EPM2A: variants seen among roughly 807,000 people sequenced by gnomAD.
The protein encoded by EPM2A is EPM2A glucan phosphatase, laforin.
Under a neutral mutation model 26.5 loss-of-function variants are expected in EPM2A, and 21 were observed. The ratio of observed to expected loss-of-function variants is 0.79; its 90% CI spans 0.56 to 1.14. The LOEUF (loss-of-function observed/expected upper bound fraction) is 1.14, where lower values mean the gene tolerates loss of function less well. Ranked by LOEUF, EPM2A falls within the 50% of genes most tolerant of loss-of-function variation. The probability of loss-of-function intolerance (pLI) is 0.00; values close to 1 mark genes in which losing one functional copy is unlikely to be tolerated. For missense variants in EPM2A, 458 were observed against 440.8 expected (o/e 1.04, Z -0.35); for synonymous variants, 217 against 177.6 (o/e 1.22, Z -1.76).
At chr6:145,629,914 A>T (rs116955090) in intron 3 of EPM2A, 2,320 of 152,326 alleles carry the variant, frequency 0.015, 25 homozygotes, top group Middle Eastern at 0.027. Flanking sequence ...GGTGCATACA[A>T]CATCAGTGTA....
chr6:145,444,709 TTGTTTCTTATGCATTAGCACGC>T (rs1779109081), intron 4 of EPM2A, among the ~76,000 whole-genome samples: 1 of 152,210 alleles, frequency 6.6e-6, no homozygotes, highest in Non-Finnish European at 1.5e-5. Flanking sequence ...TTTATTGCTT[TTGTTTCTTATGCATTAGCACGC>T]TATCTTATTT....
chr6:145,599,618 GT>G (rs1435933510), intron 2 of EPM2A, among the ~76,000 whole-genome samples: 1 of 151,654 alleles, frequency 6.6e-6, no homozygotes, highest in African/African-American at 2.4e-5. Flanking sequence ...GCTTCTGTAT[GT>G]TTTGGTCTTT....
chr6:145,421,742 A>G (rs990198407), intron 4 of EPM2A, among the ~76,000 whole-genome samples: 1 of 151,958 alleles, frequency 6.6e-6, no homozygotes, highest in Admixed American at 6.6e-5. Flanking sequence ...GATTTAAAAT[A>G]AAACATATGT....
intron 1 of EPM2A, among the ~76,000 whole-genome samples, chr6:145,689,715 G>C (rs939993844): frequency 2.0e-5 from 3 of 152,216 alleles, no homozygotes; most frequent in African/African-American, 7.2e-5. Context: ...ACCCACTCAG[G>C]CCAGCAAAGG....
rs796052425 is a variant in EPM2A at position 145,735,306 on chromosome 6, C to T, written c.193G>A (p.Glu65Lys). 3.4e-6 allele frequency: 5 copies of T among 1,471,048 alleles called. No individual in the cohort carries two copies. The Admixed American group carries it at 8.9e-5, about 26-fold the overall frequency. 91.1% of individuals were successfully genotyped at this position (1,471,048 alleles called of 1,614,324 possible). ...TGCGCCGCCTCCTCGGCCGCCAGCT[C>T]CACCTCCCCGAGCCACAGGCCCGGC... ...QEPGLWLGEV[E>K]LAAEEAAQDG... Residue 65 changes from glutamate (E) to lysine (K), a missense_variant, in exon 1 of 4, where the codon GAG becomes AAG. Glu to Lys is a moderately conservative substitution (Grantham distance 56, BLOSUM62 1). Transcript: ENST00000367519.
chr6:145,502,227 C>A (rs1197600237), intron 3 of EPM2A, among the ~76,000 whole-genome samples: 4 of 152,224 alleles, frequency 2.6e-5, no homozygotes, highest in Non-Finnish European at 5.9e-5. Flanking sequence ...AATGGGAATT[C>A]TCTGACATCT....
intron 2 of EPM2A, among the ~76,000 whole-genome samples, chr6:145,531,409 A>G (rs746020422): frequency 3.6e-4 from 55 of 152,326 alleles, no homozygotes; most frequent in Middle Eastern, 3.4e-3. Context: ...ACCCTGCAAC[A>G]CTATTGGCAC....
intron 1 of EPM2A, among the ~76,000 whole-genome samples, chr6:145,719,410 G>A (rs1489210838): frequency 6.8e-6 from 1 of 146,408 alleles, no homozygotes; most frequent in South Asian, 2.3e-4. Context: ...CTCATAGGTG[G>A]AAATTGAACA....
chr6:145,444,957 T>C (rs1779112422), intron 4 of EPM2A, among the ~76,000 whole-genome samples: 1 of 151,944 alleles, frequency 6.6e-6, no homozygotes, highest in African/African-American at 2.4e-5. Context: ...GCTACTAAAG[T>C]GTGTGTTCCA....
chr6:145,417,251 T>C (rs1037252962), intron 4 of EPM2A, among the ~76,000 whole-genome samples: 1 of 152,234 alleles, frequency 6.6e-6, no homozygotes, highest in Non-Finnish European at 1.5e-5. Context: ...GGGTTTTCAG[T>C]AGTACCAAAT....
intron 1 of EPM2A, among the ~76,000 whole-genome samples, chr6:145,728,478 G>A (rs1776323780): frequency 6.6e-6 from 1 of 152,200 alleles, no homozygotes; most frequent in South Asian, 2.1e-4. Context: ...AGTCACTCAT[G>A]TTGTGCTTTA....
intron 4 of EPM2A, among the ~76,000 whole-genome samples, chr6:145,396,978 A>T (rs565602853): frequency 6.6e-6 from 1 of 152,298 alleles, no homozygotes; most frequent in South Asian, 2.1e-4. Context: ...TGTGCCTATC[A>T]TTCCAGTCCT....
At chr6:145,470,593 T>C (rs1048385253) in intron 4 of EPM2A, among the ~76,000 whole-genome samples, 3 of 152,190 alleles carry the variant, frequency 2.0e-5, no homozygotes, top group Admixed American at 6.6e-5. Flanking sequence ...AATAATGCTA[T>C]TGAAGTAATT....
intron 4 of EPM2A, among the ~76,000 whole-genome samples, chr6:145,408,247 CTCT>C (rs1408449202): frequency 6.6e-6 from 1 of 152,152 alleles, no homozygotes; most frequent in Admixed American, 6.6e-5. Context: ...TAATTATCTG[CTCT>C]TCTTCATCCT....
intron 4 of EPM2A, among the ~76,000 whole-genome samples, chr6:145,388,263 C>T (rs1778289559): frequency 6.6e-6 from 1 of 152,132 alleles, no homozygotes; most frequent in Admixed American, 6.6e-5. Flanking sequence ...CTCAAAACAA[C>T]CTGTGAAGAT....
intron 2 of EPM2A, among the ~76,000 whole-genome samples, chr6:145,569,226 C>T (rs538763922): frequency 6.8e-4 from 104 of 152,222 alleles, no homozygotes; most frequent in African/African-American, 2.4e-3. Context: ...GTTAAGCAGC[C>T]GTGAATTTTG....
chr6:145,707,018 C>T (rs758281511), intron 1 of EPM2A, among the ~76,000 whole-genome samples: 18 of 152,250 alleles, frequency 1.2e-4, no homozygotes, highest in Non-Finnish European at 2.2e-4. Context: ...TGTGAGGCTG[C>T]AGCAAGAAGG....
chr6:145,393,069 T>C (rs375887411), intron 4 of EPM2A, among the ~76,000 whole-genome samples: 32 of 152,298 alleles, frequency 2.1e-4, no homozygotes, highest in African/African-American at 7.5e-4. Context: ...AACTCATTTT[T>C]TCTTTCAGGT....
chr6:145,535,616 T>A (rs1780420741), intron 2 of EPM2A, among the ~76,000 whole-genome samples: 1 of 152,158 alleles, frequency 6.6e-6, no homozygotes, highest in South Asian at 2.1e-4. Flanking sequence ...TCAGAGCCAA[T>A]AATAAGCAAA....
Sources: allele counts gnomAD v4.1 joint callset (sites outside exome capture counted in the v4.1 genomes callset), GRCh38; gene constraint gnomAD v4.1.1; transcripts MANE v1.5; gene names NCBI Gene and HGNC (gene_info 2026-07-23, HGNC 2026-07-21).